ZBTB44: variants seen among roughly 807,000 people sequenced by gnomAD.
The protein encoded by ZBTB44 is zinc finger and BTB domain-containing protein 44.
ZBTB44 carries 15 observed loss-of-function variants against 54.0 expected under a neutral mutation model. That is an observed-to-expected ratio of 0.28 (90% CI 0.19 to 0.43). ZBTB44 has a LOEUF of 0.43. Ranked by LOEUF, ZBTB44 falls within the 20% of genes least tolerant of loss-of-function variation. The probability of loss-of-function intolerance (pLI) is 1.00; values close to 1 mark genes in which losing one functional copy is unlikely to be tolerated. For synonymous variants in ZBTB44, 230 were observed against 250.1 expected, an observed-to-expected ratio of 0.92 and a Z score of 0.76; for missense variants, 487 against 707.1, an observed-to-expected ratio of 0.69 and a Z score of 3.53.
chr11:130,247,188 T>A (rs1288074756), intron 2 of ZBTB44, among the ~76,000 whole-genome samples: 2 of 152,194 alleles, frequency 1.3e-5, no homozygotes, highest in Non-Finnish European at 2.9e-5. Flanking sequence ...CCCCATGGTG[T>A]ATAATCTCCC....
At chr11:130,300,430 G>A (rs923039599) in intron 1 of ZBTB44, among the ~76,000 whole-genome samples, 5 of 151,836 alleles carry the variant, frequency 3.3e-5, no homozygotes, top group African/African-American at 1.2e-4. Flanking sequence ...ACAAAGCACA[G>A]ACATAAATTA....
At chr11:130,292,751 AT>A (rs1341709037) in intron 1 of ZBTB44, among the ~76,000 whole-genome samples, 2 of 152,212 alleles carry the variant, frequency 1.3e-5, no homozygotes, top group African/African-American at 4.8e-5. Flanking sequence ...TGATTTAGGA[AT>A]GGAAGAACCA....
chr11:130,264,078 T>A (rs962442199), intron 1 of ZBTB44, among the ~76,000 whole-genome samples: 1 of 152,206 alleles, frequency 6.6e-6, no homozygotes, highest in African/African-American at 2.4e-5. Flanking sequence ...TTTACCTGTG[T>A]CACCTTAGGC....
chr11:130,240,041 AT>A (rs11449622), intron 2 of ZBTB44, 145 bp from the exon 3 acceptor site: 18,335 of 319,130 alleles, frequency 0.057, 3 homozygotes, highest in East Asian at 0.086. Flanking sequence ...AGTGTTCTAC[AT>A]TTTTTTTTTT....
At position 130,238,454 on chromosome 11, in the gene ZBTB44, G is replaced by T; in HGVS notation, c.1257C>A (p.Leu419=). ...GGAAGGTGACATTACCTGAGTGGAT[G>T]AGCATGTGCTGCTTTAGGTTCTGAA... The part of the protein sequence containing the change: ...TRIQNLKQHM[L]IHSGIKPFQC... Residue 419 remains leucine (L), a synonymous_variant, in exon 4 of 8, where the codon CTC becomes CTA. Transcript: ENST00000357899. 2 of 1,607,068 alleles carry T rather than the reference G, an allele frequency of 1.2e-6. No individual in the cohort carries two copies. Among genetic ancestry groups the T allele is most frequent in the Non-Finnish European group, 8.5e-7 (1 of 1,176,676 alleles).
At chr11:130,295,855 G>A (rs1941608450) in intron 1 of ZBTB44, 7 of 1,415,142 alleles carry the variant, frequency 4.9e-6, no homozygotes, top group South Asian at 1.2e-5. Flanking sequence ...AATTTTTGGT[G>A]TTCTTAAGGA....
At chr11:130,300,069 T>G (rs1050652927) in intron 1 of ZBTB44, among the ~76,000 whole-genome samples, 1 of 152,254 alleles carries the variant, frequency 6.6e-6, no homozygotes, top group Non-Finnish European at 1.5e-5. Flanking sequence ...AAGGAACAAA[T>G]ACCATATGAT....
intron 1 of ZBTB44, among the ~76,000 whole-genome samples, chr11:130,313,264 A>G (rs534784116): frequency 2.0e-5 from 3 of 152,370 alleles, no homozygotes; most frequent in African/African-American, 7.2e-5. Flanking sequence ...AAGTAATAAT[A>G]TCTGCATCAT....
At chr11:130,312,290 TCA>T (rs1022038583) in intron 1 of ZBTB44, among the ~76,000 whole-genome samples, 3 of 152,158 alleles carry the variant, frequency 2.0e-5, no homozygotes, top group Non-Finnish European at 4.4e-5. Context: ...TACATATTAA[TCA>T]CAAACTGGCA....
intron 5 of ZBTB44, 43 bp from the exon 6 acceptor site, chr11:130,234,316 A>G (rs1481173249): frequency 4.7e-6 from 7 of 1,482,498 alleles, no homozygotes; most frequent in Non-Finnish European, 6.3e-6. Context: ...TAATTTTCAA[A>G]CCAGTAATAG....
chr11:130,276,247 G>GAAAAAA (rs113798465), intron 1 of ZBTB44, among the ~76,000 whole-genome samples: 1 of 34,316 alleles, frequency 2.9e-5, no homozygotes, highest in Admixed American at 3.5e-4. Flanking sequence ...AAAAAAAAAA[G>GAAAAAA]AAAAAAGAAA....
Position 130,227,169 on chromosome 11 carries a change from A to G in ZBTB44, c.*4595T>C, listed in dbSNP as rs1465109021. 4 of 152,218 alleles carry G rather than the reference A, an allele frequency of 2.6e-5. No homozygotes were observed. The highest frequency in any genetic ancestry group is 9.6e-5 in the African/African-American group (4 of 41,460). The allele number at this position is 152,218 out of a possible 1,614,324, so 9.4% of individuals were successfully genotyped here. A position where few individuals can be genotyped will look rare whatever the true frequency, so the allele number is the denominator to read the frequency against. On this transcript the variant is annotated 3_prime_UTR_variant, in exon 8 of 8. Transcript: ENST00000357899. ...GTTCCTGTAAAATACTAATAGCCAG[A>G]TACTAGTATATAAAATGTGAAGTTC...
Position 130,237,069 on chromosome 11 carries a change from C to A in ZBTB44, c.1292G>T (p.Arg431Leu). The A allele has an allele frequency of 6.3e-7, 1 of 1,587,128 alleles. No homozygotes were observed. The highest frequency in any genetic ancestry group is 8.6e-7 in the Non-Finnish European group (1 of 1,167,108). ...AGCCCTGGTGAACTTTTTCCCACAG[C>A]GGTCACACTGAAATGGTTTAATTCC... ...HSGIKPFQCD[R>L]CGKKFTRAYS... Residue 431 changes from arginine to leucine, a missense_variant, in exon 5 of 8, where the codon CGC (arginine) becomes CTC (leucine). Transcript: ENST00000357899.
intron 1 of ZBTB44, among the ~76,000 whole-genome samples, chr11:130,263,069 TA>T (rs893443622): frequency 6.6e-6 from 1 of 152,164 alleles, no homozygotes; most frequent in Non-Finnish European, 1.5e-5. Context: ...TAAAAAAATA[TA>T]AGTCACAGAC....
intron 1 of ZBTB44, among the ~76,000 whole-genome samples, chr11:130,299,656 A>T (rs961490206): frequency 2.6e-5 from 4 of 152,152 alleles, no homozygotes; most frequent in African/African-American, 7.2e-5. Flanking sequence ...AAAACAAAAT[A>T]ACAAGTCTTG....
In ZBTB44 at chr11:130,261,012, G is replaced by A. The variant is rs1346205081; in HGVS notation, c.862C>T (p.Arg288Trp). Reference protein sequence around the residue: ...TLPLGTEEDVRVKVERLSDEE... With the variant: ...TLPLGTEEDVWVKVERLSDEE... Reference sequence around the variant, plus strand: ...TCACTTAATCTTTCTACTTTGACCCGGACATCTTCTTCGGTACCTAAAGGC... The same window carrying A: ...TCACTTAATCTTTCTACTTTGACCCAGACATCTTCTTCGGTACCTAAAGGC... The change falls in exon 2 of 8, where the codon CGG (arginine) becomes TGG (tryptophan). Residue 288 changes from arginine (R) to tryptophan (W), a missense_variant. Transcript: ENST00000357899. The surrounding 1 kb of genome is among the most constrained non-coding windows in gnomAD (Gnocchi z 4.8). 3.7e-6 allele frequency: 6 copies of A among 1,613,722 alleles called. No individual in the cohort carries two copies. The highest frequency in any genetic ancestry group is 4.5e-5 in the East Asian group (2 of 44,892).
intron 1 of ZBTB44, among the ~76,000 whole-genome samples, chr11:130,270,030 A>G (rs1407297835): frequency 6.6e-6 from 1 of 152,224 alleles, no homozygotes; most frequent in Non-Finnish European, 1.5e-5. Flanking sequence ...TTATCAGAAG[A>G]TTTGAGATTA....
At position 130,307,763 on chromosome 11, in the gene ZBTB44, A is replaced by C. The variant is rs139609358; in HGVS notation, c.-57+6612T>G. Among the ~76,000 whole-genome samples the C allele has an allele frequency of 1.6e-3, 240 of 152,270 alleles. 5 individuals carry two copies. In the South Asian group the frequency reaches 0.034, roughly 22 times the overall value. On this transcript the variant is annotated intron_variant, in intron 1 of 7. Transcript: ENST00000357899. Reference sequence around the variant, plus strand: ...TGGAGGAATCACATTACCTGACTTCAAACTATACTACAAGGCTATAGTTAC... The same window carrying C: ...TGGAGGAATCACATTACCTGACTTCCAACTATACTACAAGGCTATAGTTAC...
chr11:130,310,447 C>G (rs901053121), intron 1 of ZBTB44: 5 of 151,522 alleles, frequency 3.3e-5, no homozygotes, highest in Admixed American at 3.3e-4. Context: ...TGCACTCCAG[C>G]CTGAGCAACA....
Sources: gnomAD v4.1 joint callset for allele counts (sites outside exome capture counted in the v4.1 genomes callset) on GRCh38, gnomAD v4.1.1 for gene constraint, Gnocchi (gnomAD v3.1) non-coding constraint, MANE v1.5 for transcripts, NCBI Gene and HGNC (gene_info 2026-07-23, HGNC 2026-07-21) for gene names.